The following FMN1 variants were observed in gnomAD, a reference collection of about 807,000 sequenced individuals.
FMN1 encodes formin-1.
In FMN1, 110 loss-of-function variants were observed where a neutral mutation model predicts 132.4. The ratio of observed to expected loss-of-function variants is 0.83; its 90% CI spans 0.71 to 0.97. FMN1 has a LOEUF of 0.97. Among genes scored for constraint, FMN1 ranks in the 50% least tolerant of loss-of-function variants. FMN1 has a pLI of 0.00. For missense variants in FMN1, 1,792 were observed against 1,705.3 expected (o/e 1.05, Z -0.90); for synonymous variants, 722 against 651.7 (o/e 1.11, Z -1.64).
At chr15:33,059,001 T>C (rs144052264) in intron 6 of FMN1, among the ~76,000 whole-genome samples, 4 of 152,236 alleles carry the variant, frequency 2.6e-5, no homozygotes, top group African/African-American at 4.8e-5. Flanking sequence ...TTCTCCTGTT[T>C]ATCTAAAATG....
chr15:33,099,756 A>AT (rs1384785683), intron 4 of FMN1, among the ~76,000 whole-genome samples: 1 of 152,194 alleles, frequency 6.6e-6, no homozygotes, highest in Non-Finnish European at 1.5e-5. Flanking sequence ...TAATCCAGTC[A>AT]TTCTCTAAAA....
chr15:33,162,085 C>G (rs908022574), intron 3 of FMN1, among the ~76,000 whole-genome samples: 3 of 152,066 alleles, frequency 2.0e-5, no homozygotes, highest in Non-Finnish European at 4.4e-5. Context: ...GATCTCAGCT[C>G]ACTGCAACCT....
intron 4 of FMN1, among the ~76,000 whole-genome samples, chr15:33,104,829 G>A (rs1372980017): frequency 1.3e-5 from 2 of 152,092 alleles, no homozygotes; most frequent in African/African-American, 4.8e-5. Context: ...TACTTGCTTT[G>A]CAGAAATTAA....
intron 20 of FMN1, 121 bp downstream of exon 20, chr15:32,776,714 G>A: frequency 2.0e-6 from 1 of 489,536 alleles, no homozygotes; most frequent in Non-Finnish European, 3.5e-6. Flanking sequence ...TTAACCATAT[G>A]CTACTCTGGG....
At chr15:32,868,084 A>C (rs2059434616) in intron 16 of FMN1, among the ~76,000 whole-genome samples, 1 of 152,228 alleles carries the variant, frequency 6.6e-6, no homozygotes, top group Non-Finnish European at 1.5e-5. Context: ...GTACATGTAC[A>C]CTCATGTACC....
At chr15:32,816,942 G>C (rs755452572) in intron 17 of FMN1, among the ~76,000 whole-genome samples, 10 of 152,162 alleles carry the variant, frequency 6.6e-5, no homozygotes, top group Non-Finnish European at 1.2e-4. Flanking sequence ...ACATTATAAA[G>C]AGTAAAATTC....
intron 15 of FMN1, among the ~76,000 whole-genome samples, chr15:32,891,697 ATTTG>A (rs1288529152): frequency 3.9e-5 from 6 of 152,066 alleles, no homozygotes; most frequent in South Asian, 2.1e-4. Flanking sequence ...ATAGGTTTCC[ATTTG>A]TTTGTGTTGT....
At chr15:33,073,378 A>T (rs1274473409) in intron 5 of FMN1, among the ~76,000 whole-genome samples, 1 of 152,236 alleles carries the variant, frequency 6.6e-6, no homozygotes, top group Non-Finnish European at 1.5e-5. Context: ...CAAAAAGTAG[A>T]AAGTGTAGTT....
intron 8 of FMN1, among the ~76,000 whole-genome samples, chr15:32,964,528 T>C (rs1239996971): frequency 6.6e-6 from 1 of 152,228 alleles, no homozygotes; most frequent in East Asian, 1.9e-4. Context: ...TCCTTAGGAC[T>C]AGAAATCCTG....
At chr15:32,858,016 T>A (rs558092314) in intron 16 of FMN1, among the ~76,000 whole-genome samples, 19 of 152,208 alleles carry the variant, frequency 1.2e-4, no homozygotes, top group Non-Finnish European at 2.2e-4. Flanking sequence ...ATTAGATATG[T>A]TCTTGTCCAA....
intron 3 of FMN1, among the ~76,000 whole-genome samples, chr15:33,173,938 AAAAGAAAG>A (rs200570710): frequency 4.7e-5 from 7 of 149,438 alleles, no homozygotes; most frequent in Non-Finnish European, 8.9e-5. Context: ...AAAAAATTAA[AAAAGAAAG>A]AAAGAAAGAA....
At chr15:33,100,557 G>C (rs2039256488) in intron 4 of FMN1, among the ~76,000 whole-genome samples, 1 of 152,164 alleles carries the variant, frequency 6.6e-6, no homozygotes, top group Non-Finnish European at 1.5e-5. Context: ...AAAAGAGGAA[G>C]AGAAGCAGTT....
chr15:32,971,910 A>T (rs1471532028), intron 7 of FMN1, among the ~76,000 whole-genome samples: 1 of 152,156 alleles, frequency 6.6e-6, no homozygotes, highest in African/African-American at 2.4e-5. Context: ...ACGATCTTCT[A>T]AATCTGTTGA....
At chr15:32,918,965 A>AT (rs2060751979) in intron 10 of FMN1, among the ~76,000 whole-genome samples, 2 of 152,300 alleles carry the variant, frequency 1.3e-5, no homozygotes, top group Admixed American at 1.3e-4. Flanking sequence ...GGAAAGGAAA[A>AT]TATTAGAGTG....
intron 12 of FMN1, among the ~76,000 whole-genome samples, chr15:32,903,793 AG>A (rs144611049): frequency 0.014 from 2,108 of 152,320 alleles, 50 homozygotes; most frequent in African/African-American, 0.048. Context: ...TACGCAAGAA[AG>A]GGTAGGATAG....
rs376189099 is a variant in FMN1 at position 33,146,771 on chromosome 15, T to C, written c.1867+6277A>G. 7.9e-5 allele frequency among the ~76,000 whole-genome samples: 12 copies of C among 152,090 alleles called. No homozygotes were observed. The South Asian group carries it at 1.2e-3, about 16-fold the overall frequency. ...TCCCTGTAAGTGATCAGAAAGCAAATACAGTGAGATCGGCACCACAGTCAT... is the reference window on the plus strand; with the variant it reads ...TCCCTGTAAGTGATCAGAAAGCAAACACAGTGAGATCGGCACCACAGTCAT... On this transcript the variant is annotated intron_variant, in intron 4 of 20. Coordinates refer to ENST00000616417, the MANE Select transcript of FMN1 (RefSeq NM_001277313.2).
At chr15:33,155,243 TGA>T (rs1348482390) in intron 3 of FMN1, among the ~76,000 whole-genome samples, 198 bp from the exon 4 acceptor site, 2 of 152,202 alleles carry the variant, frequency 1.3e-5, no homozygotes, top group African/African-American at 4.8e-5. Flanking sequence ...TTTGTATAAC[TGA>T]GAGATGGGAA....
chr15:33,024,102 T>C (rs2035551798), intron 6 of FMN1, among the ~76,000 whole-genome samples: 1 of 151,688 alleles, frequency 6.6e-6, no homozygotes, highest in Admixed American at 6.6e-5. Context: ...GGACAGTAAA[T>C]TTATGGAAGA....
At position 33,134,637 on chromosome 15, in the gene FMN1, A is replaced by G. The variant is rs541014763; in HGVS notation, c.1867+18411T>C. Among the ~76,000 whole-genome samples, 7 of 152,350 alleles carry G rather than the reference A, an allele frequency of 4.6e-5. No homozygotes were observed. In the East Asian group the frequency reaches 1.4e-3, roughly 29 times the overall value. Reference sequence around the variant, plus strand: ...GTGGAGAGCACCGAAAGGAGAAGAAAGAAAAGAACTATGATCCTACAAGTT... The same window carrying G: ...GTGGAGAGCACCGAAAGGAGAAGAAGGAAAAGAACTATGATCCTACAAGTT... On this transcript the variant is annotated intron_variant, in intron 4 of 20. Coordinates refer to ENST00000616417, the MANE Select transcript of FMN1 (RefSeq NM_001277313.2).
Sources: gnomAD v4.1 joint callset for allele counts (sites outside exome capture counted in the v4.1 genomes callset) on GRCh38, gnomAD v4.1.1 for gene constraint, MANE v1.5 for transcripts, NCBI Gene and HGNC (gene_info 2026-07-23, HGNC 2026-07-21) for gene names.